The following TENM3 variants were observed in gnomAD, a reference collection of about 807,000 sequenced individuals.
TENM3 encodes the protein teneurin transmembrane protein 3.
Under a neutral mutation model 255.1 loss-of-function variants are expected in TENM3, and 63 were observed. The observed-to-expected ratio is 0.25, with a 90% confidence interval of 0.20 to 0.30. The LOEUF (loss-of-function observed/expected upper bound fraction) is 0.30. Among genes scored for constraint, TENM3 ranks in the 10% least tolerant of loss-of-function variants. TENM3 has a pLI of 1.00. For synonymous variants in TENM3, 1,306 were observed against 1,322.3 expected, an observed-to-expected ratio of 0.99 and a Z score of 0.27; for missense variants, 2,929 against 3,461.1, an observed-to-expected ratio of 0.85 and a Z score of 3.86.
chr4:182,739,019 G>T (rs984460758), intron 18 of TENM3, among the ~76,000 whole-genome samples: 1 of 151,198 alleles, frequency 6.6e-6, no homozygotes, highest in African/African-American at 2.4e-5. Flanking sequence ...TAATTCTCGG[G>T]TAATTATTCT....
At chr4:181,719,616 C>T in the TENM3 span, among the ~76,000 whole-genome samples, 1 of 152,158 alleles carries the variant, frequency 6.6e-6, no homozygotes, top group African/African-American at 2.4e-5. Context: ...CCCTTATGAC[C>T]TAATTATCTC....
At chr4:182,226,562 T>TA (rs1214385693) in intron 1 of TENM3, among the ~76,000 whole-genome samples, 1 of 152,190 alleles carries the variant, frequency 6.6e-6, no homozygotes, top group East Asian at 1.9e-4. Context: ...CTGCGTTACA[T>TA]AAAATGCAGC....
intron 3 of TENM3, among the ~76,000 whole-genome samples, chr4:182,580,748 C>T (rs928769362): frequency 2.0e-5 from 3 of 152,142 alleles, no homozygotes; most frequent in Admixed American, 6.5e-5. Context: ...TTACTGCTAA[C>T]CCTGATGGGT....
chr4:182,692,497 T>A (rs537970105), intron 12 of TENM3, among the ~76,000 whole-genome samples: 1 of 152,336 alleles, frequency 6.6e-6, no homozygotes, highest in East Asian at 1.9e-4. Context: ...GGGTAATGAT[T>A]GAATAACATA....
chr4:182,661,641 A>C (rs963878652), intron 6 of TENM3, among the ~76,000 whole-genome samples: 1 of 152,202 alleles, frequency 6.6e-6, no homozygotes, highest in Non-Finnish European at 1.5e-5. Context: ...AAATTATGGC[A>C]TGCGGTTGTT....
intron 3 of TENM3, among the ~76,000 whole-genome samples, chr4:182,502,785 G>A (rs188797951): frequency 3.9e-4 from 59 of 151,904 alleles, no homozygotes; most frequent in Non-Finnish European, 7.5e-4. Flanking sequence ...TCATATGTCA[G>A]ATGATCCTTG....
chr4:181,521,486 C>T, the TENM3 span, among the ~76,000 whole-genome samples: 1 of 152,140 alleles, frequency 6.6e-6, no homozygotes, highest in Non-Finnish European at 1.5e-5. Context: ...AATGAATGAT[C>T]GATTTTATAC....
At chr4:182,135,288 T>C in the TENM3 span, among the ~76,000 whole-genome samples, 2 of 151,964 alleles carry the variant, frequency 1.3e-5, no homozygotes, top group Non-Finnish European at 1.5e-5. Flanking sequence ...AGAAGGTTGT[T>C]AGAAATATCT....
intron 3 of TENM3, among the ~76,000 whole-genome samples, chr4:182,543,802 C>T (rs1271940351): frequency 6.6e-6 from 1 of 151,654 alleles, no homozygotes; most frequent in Non-Finnish European, 1.5e-5. Flanking sequence ...ATTTTAAGTG[C>T]TTTACATACT....
the TENM3 span, among the ~76,000 whole-genome samples, chr4:182,050,794 ACT>A: frequency 9.0e-6 from 1 of 111,198 alleles, no homozygotes; most frequent in Non-Finnish European, 2.1e-5. Context: ...ACAGAGCAAG[ACT>A]CCACCTGAAA....
chr4:182,649,639 A>C (rs1288780241), intron 5 of TENM3, among the ~76,000 whole-genome samples: 1 of 150,574 alleles, frequency 6.6e-6, no homozygotes, highest in Non-Finnish European at 1.5e-5. Flanking sequence ...CTTGGAGTTA[A>C]ACAAAATAGC....
chr4:182,424,721 G>C (rs1287421836), intron 3 of TENM3, among the ~76,000 whole-genome samples: 1 of 152,102 alleles, frequency 6.6e-6, no homozygotes, highest in Admixed American at 6.6e-5. Context: ...CGGCAAGATA[G>C]GGTATCACCA....
At chr4:181,641,805 C>CATAT in the TENM3 span, among the ~76,000 whole-genome samples, 2,146 of 31,398 alleles carry the variant, frequency 0.068, 233 homozygotes, top group East Asian at 0.076. Context: ...ACACACACAC[C>CATAT]ATATATATAT....
chr4:182,783,424 C>T (rs909651496), intron 24 of TENM3, among the ~76,000 whole-genome samples: 5 of 152,238 alleles, frequency 3.3e-5, no homozygotes, highest in African/African-American at 7.2e-5. Flanking sequence ...CTGAGAGATC[C>T]GCTATTAGTC....
At chr4:181,486,270 A>G in the TENM3 span, among the ~76,000 whole-genome samples, 8 of 152,288 alleles carry the variant, frequency 5.3e-5, no homozygotes, top group African/African-American at 1.9e-4. Context: ...CACAGAAGCC[A>G]TATTGCCCAT....
chr4:182,188,108 A>G (rs1024657126), intron 1 of TENM3, among the ~76,000 whole-genome samples: 1 of 152,138 alleles, frequency 6.6e-6, no homozygotes, highest in African/African-American at 2.4e-5. Flanking sequence ...ATAAGATACA[A>G]CCAAATGCAA....
At chr4:181,704,458 C>T in the TENM3 span, among the ~76,000 whole-genome samples, 1 of 152,220 alleles carries the variant, frequency 6.6e-6, no homozygotes, top group African/African-American at 2.4e-5. Flanking sequence ...CTTTATCCCT[C>T]ACCAGTATGT....
At chr4:182,123,063 G>A in the TENM3 span, among the ~76,000 whole-genome samples, 4 of 152,192 alleles carry the variant, frequency 2.6e-5, no homozygotes, top group East Asian at 1.9e-4. Flanking sequence ...CAATTTCCTC[G>A]TCTCTCTCAG....
chr4:181,942,328 G>A, the TENM3 span, among the ~76,000 whole-genome samples: 3 of 138,978 alleles, frequency 2.2e-5, no homozygotes, highest in African/African-American at 8.1e-5. Flanking sequence ...TCAGTTTGGA[G>A]TTAGAAGCGG....
Sources: gnomAD v4.1 joint callset for allele counts (sites outside exome capture counted in the v4.1 genomes callset) on GRCh38, gnomAD v4.1.1 for gene constraint, MANE v1.5 for transcripts, NCBI Gene and HGNC (gene_info 2026-07-23, HGNC 2026-07-21) for gene names.